DERA: variants seen among roughly 807,000 people sequenced by gnomAD.
The protein encoded by DERA is 2-deoxy-D-ribose 5-phosphate aldolase.
DERA carries 15 observed loss-of-function variants against 41.1 expected under a neutral mutation model. The observed-to-expected ratio is 0.37, with a 90% confidence interval of 0.24 to 0.56. DERA has a LOEUF of 0.56. Ranked by LOEUF, DERA falls within the 20% of genes least tolerant of loss-of-function variation. The pLI is 0.81. For synonymous variants in DERA, 139 were observed against 137.4 expected (o/e 1.01, Z -0.08); for missense variants, 396 against 403.4 (o/e 0.98, Z 0.16).
chr12:15,982,526 C>A lies in DERA; in HGVS notation c.637+90C>A. On this transcript the variant is annotated intron_variant, in intron 6 of 8. Coordinates refer to ENST00000428559, the MANE Select transcript of DERA (RefSeq NM_015954.4). The surrounding 1 kb of genome is among the most constrained non-coding windows in gnomAD (Gnocchi z 4.0). Reference sequence around the variant, plus strand: ...GTGAAAGCATTTAGCTATTATTAAACGTGCTAACCACTTGGAATTTTTTTG... The same window carrying A: ...GTGAAAGCATTTAGCTATTATTAAAAGTGCTAACCACTTGGAATTTTTTTG... 1 of 1,376,370 alleles carries A rather than the reference C, an allele frequency of 7.3e-7. No individual in the cohort carries two copies. Among genetic ancestry groups the A allele is most frequent in the Non-Finnish European group, 9.7e-7 (1 of 1,025,820 alleles). 85.3% of individuals were successfully genotyped at this position (1,376,370 alleles called of 1,614,324 possible). A position where few individuals can be genotyped will look rare whatever the true frequency, so the allele number is the denominator to read the frequency against.
At position 16,020,294 on chromosome 12, in the gene DERA, G is replaced by T. The variant is rs1949009758; in HGVS notation, c.638-12248G>T. Reference sequence around the variant, plus strand: ...TGGAGCAGGAAGAAGAGAGAGGAGGGGAGGTGCTACACACTTTTAAACCAC... The same window carrying T: ...TGGAGCAGGAAGAAGAGAGAGGAGGTGAGGTGCTACACACTTTTAAACCAC... On this transcript the variant is annotated intron_variant, in intron 6 of 8. Transcript: ENST00000428559. This position sits in a 1 kb window ranked among gnomAD's most constrained non-coding sequence, Gnocchi z 5.5. Among the ~76,000 whole-genome samples the T allele has an allele frequency of 1.3e-5, 2 of 152,144 alleles. No individual in the cohort carries two copies. The highest frequency in any genetic ancestry group is 2.1e-4 in the South Asian group (1 of 4,830).
chr12:15,926,758 A>AG lies in DERA; in HGVS notation c.31+15344_31+15345insG, dbSNP rs1392844343. Among the ~76,000 whole-genome samples the AG allele has an allele frequency of 4.2e-4, 63 of 151,418 alleles. 1 individual carries two copies. Among genetic ancestry groups the AG allele is most frequent in the Middle Eastern group, 3.5e-3 (1 of 286 alleles). On this transcript the variant is annotated intron_variant, in intron 1 of 8. Transcript: ENST00000428559. ...TCTCAAAAAGAAAAAAAAAAAAAAA[A>AG]AAAGAAACAAGAGAATCCAGGTTAC...
At chr12:15,997,520 G>C (rs1471546258) in intron 6 of DERA, among the ~76,000 whole-genome samples, 3 of 152,200 alleles carry the variant, frequency 2.0e-5, no homozygotes, top group African/African-American at 7.2e-5. Context: ...AAATACTTGA[G>C]TTAGGGGGCG....
chr12:15,947,536 C>CT, intron 1 of DERA, among the ~76,000 whole-genome samples: 1 of 152,088 alleles, frequency 6.6e-6, no homozygotes, highest in Middle Eastern at 3.4e-3. Flanking sequence ...CAACCCCTGC[C>CT]TTTTTATTGT....
chr12:16,020,566 A>G lies in DERA; in HGVS notation c.638-11976A>G, dbSNP rs1377728478. ...TGGTGTGTTGCTATAAAGATAGCTGAAAATGTGGGAGCAGCTTTGGAACTG... is the reference window on the plus strand; with the variant it reads ...TGGTGTGTTGCTATAAAGATAGCTGGAAATGTGGGAGCAGCTTTGGAACTG... On this transcript the variant is annotated intron_variant, in intron 6 of 8. Coordinates refer to ENST00000428559, the MANE Select transcript of DERA (RefSeq NM_015954.4). The surrounding 1 kb of genome is among the most constrained non-coding windows in gnomAD (Gnocchi z 5.5). Among the ~76,000 whole-genome samples, 1 of 152,226 alleles carries G rather than the reference A, an allele frequency of 6.6e-6. No individual in the cohort carries two copies. The highest frequency in any genetic ancestry group is 1.5e-5 in the Non-Finnish European group (1 of 68,038).
rs928498104 is a variant in DERA, at chr12:16,017,245, C to A, written c.638-15297C>A. The stretch of plus-strand genomic sequence containing the variant: ...TTTTCCAACCCTAAAATTGTGATTT[C>A]TTTCTGACTGCCATTATGCTTAAAC... On this transcript the variant is annotated intron_variant, in intron 6 of 8. Transcript: ENST00000428559. The surrounding 1 kb of genome is among the most constrained non-coding windows in gnomAD (Gnocchi z 5.5). Among the ~76,000 whole-genome samples the A allele has an allele frequency of 1.1e-4, 16 of 152,128 alleles. No homozygotes were observed. The highest frequency in any genetic ancestry group is 1.9e-4 in the African/African-American group (8 of 41,428).
rs1770064553 is a variant in DERA at position 15,994,004 on chromosome 12, A to C, written c.637+11568A>C. Among the ~76,000 whole-genome samples, 1 of 152,194 alleles carries C rather than the reference A, an allele frequency of 6.6e-6. No individual in the cohort carries two copies. Among genetic ancestry groups the C allele is most frequent in the South Asian group, 2.1e-4 (1 of 4,832 alleles). ...AGAAAGAAAAAGAGAGAAAAGAAAA[A>C]GCTTAGTTTTTTATGTGGCATATTT... On this transcript the variant is annotated intron_variant, in intron 6 of 8. Coordinates refer to ENST00000428559, the MANE Select transcript of DERA (RefSeq NM_015954.4). The surrounding 1 kb of genome is among the most constrained non-coding windows in gnomAD (Gnocchi z 4.8).
At chr12:15,947,182 T>G (rs1359190419) in intron 1 of DERA, among the ~76,000 whole-genome samples, 1 of 152,210 alleles carries the variant, frequency 6.6e-6, no homozygotes, top group Non-Finnish European at 1.5e-5. Context: ...ATGTATAGTC[T>G]GTTGATTTAG....
At position 16,016,222 on chromosome 12, in the gene DERA, C is replaced by T. The variant is rs894403644; in HGVS notation, c.638-16320C>T. ...ATAACACTGGATCTTTATTATATTG[C>T]TCCAAATCAGAGCCTTTGTTTTAAT... On this transcript the variant is annotated intron_variant, in intron 6 of 8. Transcript: ENST00000428559. 2.6e-5 allele frequency among the ~76,000 whole-genome samples: 4 copies of T among 152,296 alleles called. No individual in the cohort carries two copies. In the East Asian group the frequency reaches 7.7e-4, roughly 29 times the overall value.
intron 6 of DERA, among the ~76,000 whole-genome samples, chr12:16,029,072 A>G (rs1428859665): frequency 6.6e-6 from 1 of 152,208 alleles, no homozygotes; most frequent in Non-Finnish European, 1.5e-5. Context: ...GGGTATATGG[A>G]AACTCTGTAT....
At chr12:15,926,435 A>G (rs1328984609) in intron 1 of DERA, among the ~76,000 whole-genome samples, 1 of 152,144 alleles carries the variant, frequency 6.6e-6, no homozygotes, top group Non-Finnish European at 1.5e-5. Context: ...AATATGCAGT[A>G]GGCAAGAAAC....
intron 4 of DERA, among the ~76,000 whole-genome samples, chr12:15,961,004 T>C (rs1948583833): frequency 6.6e-6 from 1 of 152,152 alleles, no homozygotes; most frequent in Admixed American, 6.5e-5. Flanking sequence ...CCATGCCATG[T>C]GGGGGCATTT....
chr12:15,974,386 TTCCCTTG>T lies in DERA; in HGVS notation c.509-7919_509-7913del, dbSNP rs557784990. Among the ~76,000 whole-genome samples, 950 of 152,330 alleles carry T rather than the reference TTCCCTTG, an allele frequency of 6.2e-3. 2 individuals carry two copies. Among genetic ancestry groups the T allele is most frequent in the Non-Finnish European group, 9.6e-3 (650 of 68,032 alleles). ...AGAATACTAAGAACAGTCCTCAGTC[TTCCCTTG>T]TCTTTGACGATTACGGGCCTGTTGT... On this transcript the variant is annotated intron_variant, in intron 5 of 8. Transcript: ENST00000428559.
intron 6 of DERA, among the ~76,000 whole-genome samples, chr12:16,032,115 A>G (rs1210421459): frequency 2.0e-5 from 3 of 152,198 alleles, no homozygotes; most frequent in African/African-American, 4.8e-5. Context: ...GAGCTGTCAC[A>G]ACTGTATACT....
intron 6 of DERA, among the ~76,000 whole-genome samples, chr12:16,024,375 A>G (rs1039028083): frequency 2.0e-5 from 3 of 152,210 alleles, no homozygotes; most frequent in African/African-American, 4.8e-5. Context: ...AAGAAAACCA[A>G]AGACAAATAG....
rs1948615743 is a variant in DERA, at chr12:15,965,470, G to T, written c.508+2523G>T. 1.3e-5 allele frequency among the ~76,000 whole-genome samples: 2 copies of T among 151,998 alleles called. No homozygotes were observed. Among genetic ancestry groups the T allele is most frequent in the Admixed American group, 1.3e-4 (2 of 15,258 alleles). ...TACCTGCCTCCACCCTCCCCCAACAGGCCCCACTGTGTGTTGTTCCCCTCC... is the reference window on the plus strand; with the variant it reads ...TACCTGCCTCCACCCTCCCCCAACATGCCCCACTGTGTGTTGTTCCCCTCC... On this transcript the variant is annotated intron_variant, in intron 5 of 8. Coordinates refer to ENST00000428559, the MANE Select transcript of DERA (RefSeq NM_015954.4). The surrounding 1 kb of genome is among the most constrained non-coding windows in gnomAD (Gnocchi z 4.1).
chr12:15,950,838 A>G (rs997496663), intron 1 of DERA, among the ~76,000 whole-genome samples: 70 of 152,228 alleles, frequency 4.6e-4, no homozygotes, highest in African/African-American at 1.7e-3. Flanking sequence ...GCCTATGAGA[A>G]TAAGGATTTT....
intron 1 of DERA, among the ~76,000 whole-genome samples, chr12:15,917,217 A>G (rs1326501097): frequency 6.6e-6 from 1 of 152,202 alleles, no homozygotes; most frequent in African/African-American, 2.4e-5. Flanking sequence ...ACAAAAACAA[A>G]AAACTAAAAC....
rs1275221416 is a variant in DERA at position 16,036,270 on chromosome 12, G to C, written c.789G>C (p.Lys263Asn). Reference sequence around the variant, plus strand: ...CAGCAGGAGGCATCCGCAGTGCAAAGGATTCCCTTGCTTGGCTCTCTCTTG... The same window carrying C: ...CAGCAGGAGGCATCCGCAGTGCAAACGATTCCCTTGCTTGGCTCTCTCTTG... The part of the protein sequence containing the change: ...FKPAGGIRSA[K>N]DSLAWLSLVK... Residue 263 changes from lysine to asparagine, a missense_variant, in exon 8 of 9, where the codon AAG becomes AAC. Lys to Asn is a moderately conservative substitution (Grantham distance 94). Transcript: ENST00000428559. The surrounding 1 kb of genome is among the most constrained non-coding windows in gnomAD (Gnocchi z 4.9). 1 of 1,613,586 alleles carries C rather than the reference G, an allele frequency of 6.2e-7. No homozygotes were observed. Among genetic ancestry groups the C allele is most frequent in the East Asian group, 2.2e-5 (1 of 44,860 alleles).
Sources: allele counts gnomAD v4.1 joint callset (sites outside exome capture counted in the v4.1 genomes callset), GRCh38; gene constraint gnomAD v4.1.1; non-coding constraint Gnocchi (gnomAD v3.1); transcripts MANE v1.5; gene names NCBI Gene and HGNC (gene_info 2026-07-23, HGNC 2026-07-21).